The following WNT11 variants were observed in gnomAD, a reference collection of about 807,000 sequenced individuals.
The protein encoded by WNT11 is protein Wnt-11.
WNT11 carries 20 observed loss-of-function variants against 35.6 expected under a neutral mutation model. That is an observed-to-expected ratio of 0.56 (90% CI 0.40 to 0.82). The LOEUF (loss-of-function observed/expected upper bound fraction) is 0.82, where lower values mean the gene tolerates loss of function less well. Ranked by LOEUF, WNT11 falls within the 40% of genes least tolerant of loss-of-function variation. The pLI is 0.00. For synonymous variants in WNT11, 200 were observed against 211.9 expected (o/e 0.94, Z 0.49); for missense variants, 459 against 504.4 (o/e 0.91, Z 0.86).
upstream of WNT11, chr11:76,206,660 G>A (rs1247047724): frequency 9.3e-6 from 7 of 749,652 alleles, no homozygotes; most frequent in Non-Finnish European, 1.2e-5. Context: ...CGCCTGGCTC[G>A]AATTAGGCGC....
rs775257090 is a variant in WNT11 at position 76,206,334 on chromosome 11, A to T, written c.74T>A (p.Ile25Asn). The T allele has an allele frequency of 4.5e-6, 7 of 1,566,344 alleles. No individual in the cohort carries two copies. The East Asian group carries it at 7.3e-5, about 16-fold the overall frequency. The change falls in exon 1 of 5, where the codon ATC becomes AAC. Residue 25 changes from isoleucine (I) to asparagine (N), a missense_variant. Transcript: ENST00000322563. ...CGGGGTCCCTACTCACAGCCACTTG[A>T]TGCCATAGCACACGCCGGTCTGGAG... ...LALQTGVCYG[I>N]KWLALSKTPS...
intron 1 of WNT11, among the ~76,000 whole-genome samples, chr11:76,204,638 G>A (rs1455363930): frequency 1.3e-5 from 2 of 152,194 alleles, no homozygotes; most frequent in African/African-American, 2.4e-5. Flanking sequence ...CCAAGAGCCT[G>A]GGGGCTTATT....
upstream of WNT11, among the ~76,000 whole-genome samples, chr11:76,208,999 C>A (rs968326821): frequency 6.6e-6 from 1 of 152,210 alleles, no homozygotes. Context: ...GGGGGAATCG[C>A]GGCTGCCTCC....
chr11:76,201,915 A>G (rs1953386690), intron 1 of WNT11, among the ~76,000 whole-genome samples: 1 of 152,086 alleles, frequency 6.6e-6, no homozygotes, highest in African/African-American at 2.4e-5. Flanking sequence ...GGCACCTTCA[A>G]AGAAGGGCTT....
rs1362382326 is a variant in WNT11 at position 76,187,206 on chromosome 11, G to T, written c.924C>A (p.Ser308Arg). The change falls in exon 5 of 5, where the codon AGC (serine) becomes AGA (arginine). Residue 308 changes from serine (S) to arginine (R), a missense_variant. Transcript: ENST00000322563. ...QCNKTSNGSD[S>R]CDLMCCGRGY... ...CACGCCCGCAGCACATAAGGTCGCA[G>T]CTGTCGCTTCCGTTGGATGTCTTGT... The T allele has an allele frequency of 1.9e-6, 3 of 1,607,052 alleles. No individual in the cohort carries two copies. The South Asian group carries it at 3.3e-5, about 18-fold the overall frequency.
At chr11:76,190,161 C>T (rs962343652) in intron 4 of WNT11, among the ~76,000 whole-genome samples, 5 of 152,010 alleles carry the variant, frequency 3.3e-5, no homozygotes, top group African/African-American at 4.8e-5. Context: ...CCCCACTGTG[C>T]GGAAGACGAG....
chr11:76,206,627 G>GCTCCT, upstream of WNT11: 1 of 999,902 alleles, frequency 1.0e-6, no homozygotes. Flanking sequence ...CTCCCGCTCC[G>GCTCCT]CCCGGCCGGG....
intron 1 of WNT11, among the ~76,000 whole-genome samples, chr11:76,202,116 C>T (rs1432502626): frequency 6.6e-6 from 1 of 152,188 alleles, no homozygotes; most frequent in Non-Finnish European, 1.5e-5. Flanking sequence ...AGACCATTTC[C>T]AGGTGAGGCT....
intron 1 of WNT11, among the ~76,000 whole-genome samples, chr11:76,203,593 G>A (rs1169533916): frequency 6.6e-6 from 1 of 152,244 alleles, no homozygotes; most frequent in Non-Finnish European, 1.5e-5. Flanking sequence ...CTGGGTGGAG[G>A]TAAGGTAGGG....
At position 76,186,724 on chromosome 11, in the gene WNT11, C is replaced by G; in HGVS notation, c.*341G>C. 1 of 409,664 alleles carries G rather than the reference C, an allele frequency of 2.4e-6. No homozygotes were observed. The highest frequency in any genetic ancestry group is 4.8e-6 in the Non-Finnish European group (1 of 207,524). 25.4% of individuals were successfully genotyped at this position (409,664 alleles called of 1,614,324 possible). ...TCTGAAGAAGGCGGGCAGACCCCTT[C>G]CCGGAGGCTGGTCTCTGTGGCCCTG... On this transcript the variant is annotated 3_prime_UTR_variant, in exon 5 of 5. Transcript: ENST00000322563.
chr11:76,196,033 A>G (rs1455242485), intron 2 of WNT11, among the ~76,000 whole-genome samples: 2 of 152,144 alleles, frequency 1.3e-5, no homozygotes, highest in Non-Finnish European at 2.9e-5. Context: ...TGCTTTGCGC[A>G]TGGTGCAACA....
At chr11:76,198,798 T>C (rs1006014947) in intron 1 of WNT11, among the ~76,000 whole-genome samples, 2 of 152,168 alleles carry the variant, frequency 1.3e-5, no homozygotes, top group African/African-American at 2.4e-5. Context: ...CTAGGTAAGT[T>C]ATCCAACCTC....
chr11:76,192,020 G>A (rs1467191053), intron 3 of WNT11, among the ~76,000 whole-genome samples, 164 bp from the exon 4 acceptor site: 3 of 152,132 alleles, frequency 2.0e-5, no homozygotes, highest in Non-Finnish European at 2.9e-5. Context: ...GGTGGTGTGG[G>A]CCTTCCTGCA....
At chr11:76,205,858 G>A (rs1327643182) in intron 1 of WNT11, among the ~76,000 whole-genome samples, 2 of 152,228 alleles carry the variant, frequency 1.3e-5, no homozygotes, top group Non-Finnish European at 1.5e-5. Flanking sequence ...CCGTGACAGA[G>A]GAGGACAAGG....
At chr11:76,197,487 A>G (rs914912801) in intron 1 of WNT11, among the ~76,000 whole-genome samples, 1 of 152,216 alleles carries the variant, frequency 6.6e-6, no homozygotes, top group Non-Finnish European at 1.5e-5. Flanking sequence ...AAAGGGATCC[A>G]TGTGGGGAAC....
Position 76,196,678 on chromosome 11 carries a change from T to C in WNT11, c.124A>G (p.Thr42Ala). 3 of 1,613,210 alleles carry C rather than the reference T, an allele frequency of 1.9e-6. No individual in the cohort carries two copies. The highest frequency in any genetic ancestry group is 2.5e-6 in the Non-Finnish European group (3 of 1,179,854). ...KTPSALALNQTQHCKQLEGLV... is the reference protein window; with the variant it reads ...KTPSALALNQAQHCKQLEGLV... ...CCCTCCAGCTGCTTGCAGTGTTGCG[T>C]CTGGTTCAGTGCCAGGGCCGATGGT... Residue 42 changes from threonine to alanine, a missense_variant, in exon 2 of 5, where the codon ACG becomes GCG. Thr to Ala is a moderately conservative substitution (Grantham distance 58, BLOSUM62 0). Coordinates refer to ENST00000322563, the MANE Select transcript of WNT11 (RefSeq NM_004626.3).
chr11:76,210,283 C>T (rs1238285567), upstream of WNT11: 4 of 413,000 alleles, frequency 9.7e-6, no homozygotes, highest in Non-Finnish European at 1.3e-5. Context: ...GGCTTCGCTC[C>T]GCAAAGGGGA....
At chr11:76,199,771 T>C (rs959435304) in intron 1 of WNT11, among the ~76,000 whole-genome samples, 2 of 152,128 alleles carry the variant, frequency 1.3e-5, no homozygotes, top group African/African-American at 4.8e-5. Context: ...AGCCTGGCGA[T>C]AGAGTGAGGC....
intron 2 of WNT11, 137 bp downstream of exon 2, chr11:76,196,346 G>A (rs1953285393): frequency 1.0e-6 from 1 of 994,566 alleles, no homozygotes; most frequent in Non-Finnish European, 1.5e-6. Flanking sequence ...ATCCATGCCT[G>A]TATCCACCCG....
Sources: allele counts gnomAD v4.1 joint callset (sites outside exome capture counted in the v4.1 genomes callset), GRCh38; gene constraint gnomAD v4.1.1; transcripts MANE v1.5; gene names NCBI Gene and HGNC (gene_info 2026-07-23, HGNC 2026-07-21).